PPP1R12B: variants seen among roughly 807,000 people sequenced by gnomAD.
The protein encoded by PPP1R12B is protein phosphatase 1 regulatory subunit 12B, also known as myosin phosphatase target subunit 2.
PPP1R12B carries 76 observed loss-of-function variants against 126.1 expected under a neutral mutation model. The observed-to-expected ratio is 0.60, with a 90% CI of 0.50 to 0.73. The LOEUF (loss-of-function observed/expected upper bound fraction) is 0.73, where lower values mean the gene tolerates loss of function less well. PPP1R12B is among the 30% of genes least tolerant of loss of function. The probability of loss-of-function intolerance (pLI) is 0.00; values close to 1 mark genes in which losing one functional copy is unlikely to be tolerated. For missense variants in PPP1R12B, 1,052 were observed against 1,205.1 expected, an observed-to-expected ratio of 0.87 and a Z score of 1.88; for synonymous variants, 356 against 434.7, an observed-to-expected ratio of 0.82 and a Z score of 2.25.
intron 10 of PPP1R12B, 47 bp downstream of exon 10, chr1:202,438,071 T>TC (rs755163434): frequency 2.1e-5 from 33 of 1,600,804 alleles, no homozygotes; most frequent in Admixed American, 5.3e-5. Flanking sequence ...GTTTTTTTTT[T>TC]CCATGAAAAT....
chr1:202,399,366 A>G (rs1463773544), intron 1 of PPP1R12B, among the ~76,000 whole-genome samples: 1 of 152,042 alleles, frequency 6.6e-6, no homozygotes, highest in African/African-American at 2.4e-5. Flanking sequence ...GACCACAGGC[A>G]TGTGTTAGCA....
At chr1:202,452,738 T>G (rs559073966) in intron 13 of PPP1R12B, among the ~76,000 whole-genome samples, 1 of 152,324 alleles carries the variant, frequency 6.6e-6, no homozygotes, top group Admixed American at 6.5e-5. Flanking sequence ...GTTTTTTTGG[T>G]GGAGTCTTTA....
At chr1:202,350,813 C>G (rs891108706) in intron 1 of PPP1R12B, among the ~76,000 whole-genome samples, 1 of 151,864 alleles carries the variant, frequency 6.6e-6, no homozygotes, top group African/African-American at 2.4e-5. Flanking sequence ...TAGAGATGGG[C>G]TTTCACCATG....
At chr1:202,500,201 C>T (rs1480526391) in intron 18 of PPP1R12B, among the ~76,000 whole-genome samples, 8 of 149,748 alleles carry the variant, frequency 5.3e-5, no homozygotes, top group Admixed American at 3.4e-4. Flanking sequence ...TTGGTGCTCT[C>T]GCTGTCTCTC....
chr1:202,543,458 C>A (rs1685319249), intron 18 of PPP1R12B, among the ~76,000 whole-genome samples: 1 of 152,044 alleles, frequency 6.6e-6, no homozygotes, highest in Non-Finnish European at 1.5e-5. Context: ...ATATACATCC[C>A]AGCTGGGCGC....
chr1:202,477,743 T>C (rs912354670), intron 13 of PPP1R12B, among the ~76,000 whole-genome samples: 1 of 152,184 alleles, frequency 6.6e-6, no homozygotes, highest in African/African-American at 2.4e-5. Context: ...GTATAAACTT[T>C]AGTGACAAAG....
At chr1:202,421,252 T>A (rs1668717010) in intron 2 of PPP1R12B, among the ~76,000 whole-genome samples, 1 of 151,566 alleles carries the variant, frequency 6.6e-6, no homozygotes, top group Non-Finnish European at 1.5e-5. Context: ...TTTGGCTCCA[T>A]CTGCCAGTTC....
At position 202,547,092 on chromosome 1, in the gene PPP1R12B, T is replaced by C. The variant is rs902356100; in HGVS notation, c.2491-11785T>C. 6.0e-4 allele frequency among the ~76,000 whole-genome samples: 92 copies of C among 152,166 alleles called. 1 individual carries two copies. The highest frequency in any genetic ancestry group is 8.8e-5 in the Non-Finnish European group (6 of 68,026). On this transcript the variant is annotated intron_variant, in intron 18 of 23. Transcript: ENST00000608999. ...AATTGGTTATGAGTTTTGTGTTGGG[T>C]TCTAGTTTTGTTTTCAGTACCTAAC... is the stretch of plus-strand genomic sequence containing the variant.
rs1206464767 is a variant in PPP1R12B, at chr1:202,583,672, A to T, written c.*3112A>T. On this transcript the variant is annotated 3_prime_UTR_variant, in exon 24 of 24. Coordinates refer to ENST00000608999, the MANE Select transcript of PPP1R12B (RefSeq NM_002481.4). ...GTTCTCTCTGGATACTGGCATCAGC[A>T]GGTCTCCTTTTTCTTGTGCTGCTTG... 4 of 152,198 alleles carry T rather than the reference A, an allele frequency of 2.6e-5. No individual in the cohort carries two copies. Among genetic ancestry groups the T allele is most frequent in the Non-Finnish European group, 5.9e-5 (4 of 68,032 alleles). 9.4% of individuals were successfully genotyped at this position (152,198 alleles called of 1,614,324 possible). A position where few individuals can be genotyped will look rare whatever the true frequency, so the allele number is the denominator to read the frequency against.
chr1:202,550,463 G>T (rs1206090155), intron 18 of PPP1R12B, among the ~76,000 whole-genome samples: 1 of 152,134 alleles, frequency 6.6e-6, no homozygotes, highest in Non-Finnish European at 1.5e-5. Context: ...TGGGATTTAA[G>T]GCCTAAATAA....
intron 1 of PPP1R12B, among the ~76,000 whole-genome samples, chr1:202,350,662 C>G (rs1655783583): frequency 6.6e-6 from 1 of 151,426 alleles, no homozygotes; most frequent in Middle Eastern, 3.4e-3. Flanking sequence ...GCTCTGTTGC[C>G]CAGGCTGGAG....
intron 23 of PPP1R12B, among the ~76,000 whole-genome samples, chr1:202,570,729 G>A (rs1688512392): frequency 6.6e-6 from 1 of 152,106 alleles, no homozygotes; most frequent in Non-Finnish European, 1.5e-5. Context: ...GTCTCGCTAT[G>A]TTGCCCTGGA....
rs138581453 is a variant in PPP1R12B, at chr1:202,507,426, C to A, written c.2490+10604C>A. Among the ~76,000 whole-genome samples the A allele has an allele frequency of 2.4e-3, 361 of 152,070 alleles. 3 individuals are homozygous for A. Among genetic ancestry groups the A allele is most frequent in the African/African-American group, 8.4e-3 (350 of 41,460 alleles). On this transcript the variant is annotated intron_variant, in intron 18 of 23. Coordinates refer to ENST00000608999, the MANE Select transcript of PPP1R12B (RefSeq NM_002481.4). The stretch of plus-strand genomic sequence containing the variant: ...AGTTTTATATCAGTGATTTTTATTT[C>A]AGGATAGTAAGGGGGTGTTAAAAAT...
chr1:202,564,481 A>G lies in PPP1R12B; in HGVS notation c.2691A>G (p.Lys897=). The G allele has an allele frequency of 6.2e-7, 1 of 1,612,826 alleles. No homozygotes were observed. Among genetic ancestry groups the G allele is most frequent in the Non-Finnish European group, 8.5e-7 (1 of 1,179,512 alleles). Reference sequence around the variant, plus strand: ...CTCTGACTGAAAACCAAAAACTGAAAACAAAACTTCAGGAAGCCCAGCTAG... The same window carrying G: ...CTCTGACTGAAAACCAAAAACTGAAGACAAAACTTCAGGAAGCCCAGCTAG... ...ESALTENQKL[K]TKLQEAQLEL... is the part of the protein sequence containing the mutation. The change falls in exon 21 of 24, where the codon AAA becomes AAG. Residue 897 remains lysine (K), a synonymous_variant. Coordinates refer to ENST00000608999, the MANE Select transcript of PPP1R12B (RefSeq NM_002481.4).
At chr1:202,426,733 G>A (rs1669566694) in intron 4 of PPP1R12B, among the ~76,000 whole-genome samples, 1 of 152,132 alleles carries the variant, frequency 6.6e-6, no homozygotes, top group African/African-American at 2.4e-5. Context: ...ATGTGATTTG[G>A]CTAATTGAAT....
chr1:202,349,029 G>A lies in PPP1R12B; in HGVS notation c.178G>A (p.Ala60Thr). 6.2e-7 allele frequency: 1 copy of A among 1,612,822 alleles called. No individual in the cohort carries two copies. Among genetic ancestry groups the A allele is most frequent in the Non-Finnish European group, 8.5e-7 (1 of 1,179,544 alleles). ...CCCCAGGGTCCGCTTCGAGGACGGTGCTGTCTTTCTGGCCGCCTGCTCTAG... is the reference window on the plus strand; with the variant it reads ...CCCCAGGGTCCGCTTCGAGGACGGTACTGTCTTTCTGGCCGCCTGCTCTAG... ...GSPRVRFEDG[A>T]VFLAACSSGD... is the part of the protein sequence containing the mutation. The change falls in exon 1 of 24, where the codon GCT becomes ACT. Residue 60 changes from alanine to threonine, a missense_variant. Ala to Thr is a moderately conservative substitution (Grantham distance 58, BLOSUM62 0). Coordinates refer to ENST00000608999, the MANE Select transcript of PPP1R12B (RefSeq NM_002481.4).
chr1:202,575,810 G>A lies in PPP1R12B; in HGVS notation c.2863-4664G>A, dbSNP rs187572175. 2.0e-5 allele frequency: 3 copies of A among 152,288 alleles called. No individual in the cohort carries two copies. In the East Asian group the frequency reaches 5.8e-4, roughly 29 times the overall value. The allele number at this position is 152,288 out of a possible 1,614,324, so 9.4% of individuals were successfully genotyped here. On this transcript the variant is annotated intron_variant, in intron 23 of 23. Transcript: ENST00000608999. The stretch of plus-strand genomic sequence containing the variant: ...TCCTATTGATTCCTTATACAACCAT[G>A]GTTAAGAACCACAGCCCTTTGGATA...
rs1176456141 is a variant in PPP1R12B at position 202,416,806 on chromosome 1, T to C, written c.311T>C (p.Leu104Ser). The part of the protein sequence containing the change: ...ALHQACIDEN[L>S]DMVKFLVENR... The stretch of plus-strand genomic sequence containing the variant: ...TTTCAGGCATGTATTGATGAAAATT[T>C]GGACATGGTGAAGTTTCTGGTGGAG... The change falls in exon 2 of 24, where the codon TTG (leucine) becomes TCG (serine). Residue 104 changes from leucine (L) to serine (S), a missense_variant. Coordinates refer to ENST00000608999, the MANE Select transcript of PPP1R12B (RefSeq NM_002481.4). 1 of 1,613,784 alleles carries C rather than the reference T, an allele frequency of 6.2e-7. No homozygotes were observed. Among genetic ancestry groups the C allele is most frequent in the Non-Finnish European group, 8.5e-7 (1 of 1,179,862 alleles).
intron 18 of PPP1R12B, among the ~76,000 whole-genome samples, chr1:202,546,776 G>T (rs1685689891): frequency 6.6e-6 from 1 of 152,098 alleles, no homozygotes; most frequent in South Asian, 2.1e-4. Context: ...AAAATTATGG[G>T]CTAAAAATAC....
Sources: gnomAD v4.1 joint callset for allele counts (sites outside exome capture counted in the v4.1 genomes callset) on GRCh38, gnomAD v4.1.1 for gene constraint, MANE v1.5 for transcripts, NCBI Gene and HGNC (gene_info 2026-07-23, HGNC 2026-07-21) for gene names.